DAB1: variants seen among roughly 807,000 people sequenced by gnomAD.
DAB1 encodes DAB adaptor protein 1.
Under a neutral mutation model 64.6 loss-of-function variants are expected in DAB1, and 15 were observed. That is an observed-to-expected ratio of 0.23 (90% CI 0.16 to 0.36). DAB1 has a LOEUF of 0.36. DAB1 is among the 10% of genes least tolerant of loss of function. DAB1 has a pLI of 1.00. For synonymous variants in DAB1, 235 were observed against 251.9 expected (o/e 0.93, Z 0.64); for missense variants, 596 against 706.7 (o/e 0.84, Z 1.78).
intron 5 of DAB1, among the ~76,000 whole-genome samples, chr1:58,002,586 T>G (rs370814756): frequency 3.2e-4 from 48 of 152,234 alleles, no homozygotes; most frequent in African/African-American, 8.7e-4. Context: ...TCTGAGTCAT[T>G]TTCTATAATG....
At chr1:57,655,170 C>T (rs1051124897) in intron 6 of DAB1, among the ~76,000 whole-genome samples, 2 of 152,110 alleles carry the variant, frequency 1.3e-5, no homozygotes, top group East Asian at 3.9e-4. Context: ...ACCAATAAGG[C>T]ATATCCATCC....
chr1:57,023,001 C>T lies in DAB1; in HGVS notation c.895+530G>A, dbSNP rs569123982. ...TAAAGACTATTTGAAAAACAGAACA[C>T]ATACTTTCTAACTCACCAGGAGTCT... On this transcript the variant is annotated intron_variant, in intron 11 of 14. Coordinates refer to ENST00000371236, the MANE Select transcript of DAB1 (RefSeq NM_001365792.1). 4.6e-5 allele frequency among the ~76,000 whole-genome samples: 7 copies of T among 152,360 alleles called. No individual in the cohort carries two copies. In the South Asian group the frequency reaches 1.4e-3, roughly 32 times the overall value.
intron 3 of DAB1, among the ~76,000 whole-genome samples, chr1:58,371,738 T>C (rs1644265532): frequency 6.6e-6 from 1 of 152,158 alleles, no homozygotes; most frequent in South Asian, 2.1e-4. Context: ...ATGACCTGCA[T>C]CGCAGCTGCT....
At chr1:58,236,170 C>T (rs1660028674) in intron 4 of DAB1, among the ~76,000 whole-genome samples, 1 of 142,962 alleles carries the variant, frequency 7.0e-6, no homozygotes, top group Admixed American at 7.4e-5. Context: ...ACTAATGAGC[C>T]AAGGCCAAGG....
chr1:58,014,540 G>C (rs1001315872), intron 5 of DAB1, among the ~76,000 whole-genome samples: 1 of 152,102 alleles, frequency 6.6e-6, no homozygotes, highest in African/African-American at 2.4e-5. Flanking sequence ...TTGGGCCCTC[G>C]GTCTTCCACC....
At chr1:57,057,765 G>A (rs1208686109) in intron 9 of DAB1, among the ~76,000 whole-genome samples, 2 of 115,992 alleles carry the variant, frequency 1.7e-5, no homozygotes, top group Non-Finnish European at 3.6e-5. Flanking sequence ...CTGCCACCAT[G>A]CCTGGCTAAT....
chr1:57,940,767 CCTG>C (rs1645092388), intron 5 of DAB1, among the ~76,000 whole-genome samples: 1 of 151,916 alleles, frequency 6.6e-6, no homozygotes, highest in Non-Finnish European at 1.5e-5. Context: ...GGATGGAATC[CCTG>C]CAATGCCCAA....
At chr1:57,603,685 T>C (rs1645602179) in intron 7 of DAB1, among the ~76,000 whole-genome samples, 1 of 152,142 alleles carries the variant, frequency 6.6e-6, no homozygotes, top group Non-Finnish European at 1.5e-5. Context: ...CATTCTCCAT[T>C]AAGATCAAGT....
At chr1:57,918,110 A>AATAAAT (rs1338165802) in intron 5 of DAB1, among the ~76,000 whole-genome samples, 3 of 135,180 alleles carry the variant, frequency 2.2e-5, no homozygotes, top group East Asian at 2.3e-4. Context: ...AATAAATATA[A>AATAAAT]AAATATGATT....
intron 4 of DAB1, among the ~76,000 whole-genome samples, chr1:58,209,727 A>G (rs1658457290): frequency 6.6e-6 from 1 of 152,334 alleles, no homozygotes; most frequent in South Asian, 2.1e-4. Flanking sequence ...AAGTTTATTA[A>G]ACACATTGAA....
intron 2 of DAB1, among the ~76,000 whole-genome samples, chr1:57,220,864 A>T (rs1286331693): frequency 6.6e-6 from 1 of 152,226 alleles, no homozygotes; most frequent in Non-Finnish European, 1.5e-5. Flanking sequence ...CTAGAACTAG[A>T]AATACCATTT....
intron 3 of DAB1, among the ~76,000 whole-genome samples, chr1:58,346,686 A>G (rs1296431911): frequency 6.6e-6 from 1 of 152,240 alleles, no homozygotes; most frequent in Non-Finnish European, 1.5e-5. Context: ...TGAGAAGCTC[A>G]TTACATTACA....
At chr1:57,358,638 T>C (rs776808713) in intron 1 of DAB1, among the ~76,000 whole-genome samples, 3 of 152,012 alleles carry the variant, frequency 2.0e-5, no homozygotes, top group Non-Finnish European at 4.4e-5. Context: ...CTTAAAATTC[T>C]TATGGAACCA....
chr1:57,489,529 C>A (rs1644135886), intron 7 of DAB1, among the ~76,000 whole-genome samples: 1 of 152,196 alleles, frequency 6.6e-6, no homozygotes, highest in South Asian at 2.1e-4. Flanking sequence ...TCTCACCATG[C>A]TCACAAAGCC....
Position 57,273,052 on chromosome 1 carries a change from CT to C in DAB1, c.67+17911del, listed in dbSNP as rs565247942. On this transcript the variant is annotated intron_variant, in intron 2 of 14. Transcript: ENST00000371236. ...TTTCTGGGCCAAGTGACCAAAGACT[CT>C]GGGACCTCAACTTCTATTTGCACCA... Among the ~76,000 whole-genome samples, 670 of 152,292 alleles carry C rather than the reference CT, an allele frequency of 4.4e-3. 6 individuals carry two copies. The highest frequency in any genetic ancestry group is 0.015 in the African/African-American group (629 of 41,548).
intron 7 of DAB1, among the ~76,000 whole-genome samples, chr1:57,565,019 G>C (rs561371516): frequency 6.6e-6 from 1 of 152,340 alleles, no homozygotes; most frequent in East Asian, 1.9e-4. Context: ...AGGGCAGCCA[G>C]AGAGAAAGGT....
chr1:58,359,966 G>A (rs1004096767), intron 3 of DAB1, among the ~76,000 whole-genome samples: 6 of 152,168 alleles, frequency 3.9e-5, no homozygotes, highest in African/African-American at 1.4e-4. Flanking sequence ...TCTTTCAGAT[G>A]GTGGCAATAT....
At chr1:57,619,716 T>C (rs1257507992) in intron 7 of DAB1, among the ~76,000 whole-genome samples, 1 of 152,126 alleles carries the variant, frequency 6.6e-6, no homozygotes, top group African/African-American at 2.4e-5. Context: ...GATAAAGAAT[T>C]GGAGCTTTAG....
intron 5 of DAB1, among the ~76,000 whole-genome samples, chr1:57,972,090 TAATA>T (rs1645810382): frequency 6.6e-6 from 1 of 152,232 alleles, no homozygotes; most frequent in Non-Finnish European, 1.5e-5. Flanking sequence ...CCATTGTGAT[TAATA>T]AAGTACATAT....
Sources: allele counts gnomAD v4.1 joint callset (sites outside exome capture counted in the v4.1 genomes callset), GRCh38; gene constraint gnomAD v4.1.1; transcripts MANE v1.5; gene names NCBI Gene and HGNC (gene_info 2026-07-23, HGNC 2026-07-21).